The following CD48 variants were observed in gnomAD, a reference collection of about 807,000 sequenced individuals.
CD48 encodes CD48 molecule.
CD48 carries 20 observed loss-of-function variants against 22.0 expected under a neutral mutation model. The observed-to-expected ratio is 0.91, with a 90% CI of 0.64 to 1.32. The LOEUF (loss-of-function observed/expected upper bound fraction) is 1.32, where lower values mean the gene tolerates loss of function less well. CD48 is among the 40% of genes most tolerant of loss of function. CD48 has a pLI of 0.00. For synonymous variants in CD48, 110 were observed against 110.1 expected (o/e 1.00, Z 0.01); for missense variants, 307 against 286.5 (o/e 1.07, Z -0.52).
chr1:160,680,939 C>G, intron 3 of CD48: 1 of 1,431,088 alleles, frequency 7.0e-7, no homozygotes, highest in South Asian at 1.5e-5. Context: ...TTTGTTAGAG[C>G]GGGAGAGGGA....
intron 1 of CD48, among the ~76,000 whole-genome samples, chr1:160,693,892 G>A (rs745321565): frequency 3.0e-4 from 45 of 152,282 alleles, no homozygotes; most frequent in Non-Finnish European, 5.4e-4. Context: ...GTACCTCAGG[G>A]AATAAGCCAG....
intron 3 of CD48, 52 bp from the exon 4 acceptor site, chr1:160,679,183 G>A: frequency 7.0e-7 from 1 of 1,429,236 alleles, no homozygotes; most frequent in Non-Finnish European, 9.9e-7. Context: ...CTTGACTAAT[G>A]TATTGAGAAG....
At chr1:160,686,109 AT>A (rs373179489) in intron 1 of CD48, among the ~76,000 whole-genome samples, 17 of 147,970 alleles carry the variant, frequency 1.1e-4, no homozygotes, top group South Asian at 6.4e-4. Context: ...CTTTATAGCT[AT>A]TTTTTTTTTA....
In CD48 at chr1:160,681,130, C is replaced by T. The variant is rs535058549; in HGVS notation, c.652+72G>A. On this transcript the variant is annotated intron_variant, in intron 3 of 3. Coordinates refer to ENST00000368046, the MANE Select transcript of CD48 (RefSeq NM_001778.4). The stretch of plus-strand genomic sequence containing the variant: ...ACTGTGCAAGGAGGCTGAATAGGAC[C>T]CCCAGCCTTTCTTTGTTCAAAACAA... The T allele has an allele frequency of 8.1e-6, 13 of 1,601,226 alleles. No individual in the cohort carries two copies. In the South Asian group the frequency reaches 1.1e-4, roughly 14 times the overall value.
At chr1:160,697,388 T>C (rs1372839547) in intron 1 of CD48, among the ~76,000 whole-genome samples, 1 of 152,296 alleles carries the variant, frequency 6.6e-6, no homozygotes, top group African/African-American at 2.4e-5. Flanking sequence ...TGATAGTGTA[T>C]GGGTACCTGG....
chr1:160,699,422 C>T (rs1308522031), intron 1 of CD48: 1 of 153,302 alleles, frequency 6.5e-6, no homozygotes, highest in Non-Finnish European at 1.4e-5. Context: ...GAAATATGGC[C>T]TCGTGGGAAG....
At chr1:160,689,351 C>T (rs887512318) in intron 1 of CD48, among the ~76,000 whole-genome samples, 2 of 151,572 alleles carry the variant, frequency 1.3e-5, no homozygotes, top group African/African-American at 2.4e-5. Flanking sequence ...GGTGAGAGGT[C>T]GAATAAGTGG....
At chr1:160,690,831 AAAG>A (rs1662184866) in intron 1 of CD48, among the ~76,000 whole-genome samples, 1 of 152,188 alleles carries the variant, frequency 6.6e-6, no homozygotes, top group African/African-American at 2.4e-5. Flanking sequence ...GTCTGTATAG[AAAG>A]AAGTAGACAT....
chr1:160,687,659 G>A (rs573801430), intron 1 of CD48, among the ~76,000 whole-genome samples: 2 of 152,240 alleles, frequency 1.3e-5, no homozygotes, highest in East Asian at 3.9e-4. Context: ...ATGTGCCATG[G>A]CAATGAAGGC....
chr1:160,679,157 G>A (rs764720338), intron 3 of CD48, 26 bp from the exon 4 acceptor site: 7 of 1,588,126 alleles, frequency 4.4e-6, no homozygotes, highest in Non-Finnish European at 6.1e-6. Context: ...AACCCTATAT[G>A]CTTAGGTATC....
intron 3 of CD48, among the ~76,000 whole-genome samples, chr1:160,679,365 C>G (rs1661716220): frequency 6.6e-6 from 1 of 152,200 alleles, no homozygotes; most frequent in East Asian, 1.9e-4. Flanking sequence ...GCCCTGTGCT[C>G]AAAGGTTACC....
chr1:160,704,455 CA>C (rs762575482), intron 1 of CD48, among the ~76,000 whole-genome samples: 27 of 152,210 alleles, frequency 1.8e-4, no homozygotes, highest in Non-Finnish European at 3.8e-4. Flanking sequence ...CTACCCACTT[CA>C]GTGAAGAAAT....
At chr1:160,702,023 T>C (rs1662646115) in intron 1 of CD48, among the ~76,000 whole-genome samples, 1 of 152,008 alleles carries the variant, frequency 6.6e-6, no homozygotes, top group Non-Finnish European at 1.5e-5. Context: ...TGATATTAGG[T>C]AGTAAAAGCA....
intron 1 of CD48, among the ~76,000 whole-genome samples, chr1:160,698,547 T>G (rs1324529899): frequency 6.6e-6 from 1 of 152,168 alleles, no homozygotes; most frequent in African/African-American, 2.4e-5. Context: ...CAATCTAGTA[T>G]TGATCAAAAA....
rs747032166 is a variant in CD48, at chr1:160,679,004, G to A, written c.*48C>T. On this transcript the variant is annotated 3_prime_UTR_variant, in exon 4 of 4. Transcript: ENST00000368046. ...TGGTGAGGAGCATGATCACCAACAG[G>A]CAAGATCTTCTGGCCTTGAAGTTTC... 4 of 1,397,122 alleles carry A rather than the reference G, an allele frequency of 2.9e-6. No individual in the cohort carries two copies. The South Asian group carries it at 4.6e-5, about 16-fold the overall frequency. The allele number at this position is 1,397,122 out of a possible 1,614,324, so 86.5% of individuals were successfully genotyped here.
intron 1 of CD48, among the ~76,000 whole-genome samples, chr1:160,701,501 G>A (rs949258264): frequency 2.0e-5 from 3 of 152,058 alleles, no homozygotes; most frequent in South Asian, 2.1e-4. Context: ...GGCAGTGGCT[G>A]CCACTAAAAA....
At chr1:160,691,671 C>T in intron 1 of CD48, 1 of 244,696 alleles carries the variant, frequency 4.1e-6, no homozygotes, top group Non-Finnish European at 7.7e-6. Context: ...TATACTTTGT[C>T]TCTGTGTCTT....
At chr1:160,702,223 C>T (rs1262227262) in intron 1 of CD48, among the ~76,000 whole-genome samples, 1 of 152,066 alleles carries the variant, frequency 6.6e-6, no homozygotes, top group Non-Finnish European at 1.5e-5. Context: ...CCCGTGGGGA[C>T]AATCAAAGGC....
chr1:160,692,376 A>G (rs1662253426), intron 1 of CD48: 1 of 152,216 alleles, frequency 6.6e-6, no homozygotes. Context: ...CATTAAAATT[A>G]GAAGGAAAAG....
Sources: allele counts gnomAD v4.1 joint callset (sites outside exome capture counted in the v4.1 genomes callset), GRCh38; gene constraint gnomAD v4.1.1; transcripts MANE v1.5; gene names NCBI Gene and HGNC (gene_info 2026-07-23, HGNC 2026-07-21).